Variants in ARHGAP17 observed in about 807,000 individuals in gnomAD.
ARHGAP17 encodes rho GTPase-activating protein 17.
Under a neutral mutation model 99.5 loss-of-function variants are expected in ARHGAP17, and 57 were observed. That is an observed-to-expected ratio of 0.57 (90% CI 0.46 to 0.71). ARHGAP17 has a LOEUF of 0.71. Among genes scored for constraint, ARHGAP17 ranks in the 30% least tolerant of loss-of-function variants. The pLI, the probability that ARHGAP17 is intolerant of heterozygous loss-of-function variation, is 0.00. For missense variants in ARHGAP17, 1,000 were observed against 1,122.4 expected (o/e 0.89, Z 1.56); for synonymous variants, 417 against 429.6 (o/e 0.97, Z 0.36).
At chr16:24,940,581 G>A (rs1046193313) in intron 16 of ARHGAP17, among the ~76,000 whole-genome samples, 1 of 152,108 alleles carries the variant, frequency 6.6e-6, no homozygotes. Context: ...CGTGCCTATA[G>A]TCCCAGCTAG....
intron 8 of ARHGAP17, 68 bp downstream of exon 8, chr16:24,959,841 CTT>C: frequency 6.2e-7 from 1 of 1,603,388 alleles, no homozygotes; most frequent in South Asian, 1.1e-5. Context: ...AAAATGAAAT[CTT>C]TTGCAAAAAA....
At chr16:24,977,908 C>G (rs2052566371) in intron 2 of ARHGAP17, among the ~76,000 whole-genome samples, 1 of 152,170 alleles carries the variant, frequency 6.6e-6, no homozygotes, top group Admixed American at 6.5e-5. Context: ...AGAATGAGAG[C>G]AGGCCCTTTG....
intron 8 of ARHGAP17, 23 bp from the exon 9 acceptor site, chr16:24,959,775 A>G (rs2051927301): frequency 1.9e-6 from 3 of 1,612,534 alleles, no homozygotes; most frequent in Non-Finnish European, 2.5e-6. Context: ...CCACATTCAA[A>G]AACAAAAGTA....
intron 17 of ARHGAP17, among the ~76,000 whole-genome samples, chr16:24,937,527 A>G (rs2051175152): frequency 6.6e-6 from 1 of 152,266 alleles, no homozygotes; most frequent in Admixed American, 6.5e-5. Context: ...AAAAAAATTT[A>G]AACCAAAACA....
At chr16:24,982,998 T>TATATATA (rs59011851) in intron 1 of ARHGAP17, among the ~76,000 whole-genome samples, 8 of 27,542 alleles carry the variant, frequency 2.9e-4, no homozygotes, top group Admixed American at 6.0e-4. Flanking sequence ...ATATATATAT[T>TATATATA]TTTTTTTTTT....
At chr16:24,934,778 G>A (rs957354106) in intron 18 of ARHGAP17, among the ~76,000 whole-genome samples, 1 of 152,150 alleles carries the variant, frequency 6.6e-6, no homozygotes, top group Non-Finnish European at 1.5e-5. Context: ...TTTTTGAGGT[G>A]AGACCTGAAT....
rs113864980 is a variant in ARHGAP17, at chr16:24,929,153, C to T, written c.2515+1631G>A. The stretch of plus-strand genomic sequence containing the variant: ...GCTCACCAAAAAGATAGAAGATATT[C>T]CTTTTTTTTTTTTTTTTTAAAAAGA... On this transcript the variant is annotated intron_variant, in intron 19 of 19. Transcript: ENST00000289968. Among the ~76,000 whole-genome samples, 1,121 of 149,536 alleles carry T rather than the reference C, an allele frequency of 7.5e-3. 8 individuals are homozygous for T. Among genetic ancestry groups the T allele is most frequent in the Non-Finnish European group, 0.012 (798 of 67,782 alleles).
At chr16:24,998,174 T>C (rs994337213) in intron 1 of ARHGAP17, among the ~76,000 whole-genome samples, 5 of 151,766 alleles carry the variant, frequency 3.3e-5, no homozygotes, top group African/African-American at 1.2e-4. Flanking sequence ...CACAGGGACG[T>C]CAGGGACAGG....
intron 15 of ARHGAP17, 112 bp downstream of exon 15, chr16:24,943,657 AGT>A: frequency 3.4e-6 from 3 of 893,810 alleles, no homozygotes; most frequent in Non-Finnish European, 5.3e-6. Context: ...AACATGAAAA[AGT>A]GAAACCAATT....
At chr16:24,993,564 G>C (rs1240751994) in intron 1 of ARHGAP17, among the ~76,000 whole-genome samples, 1 of 150,604 alleles carries the variant, frequency 6.6e-6, no homozygotes, top group East Asian at 2.0e-4. Context: ...ACTCCAGCAT[G>C]GGCAATAGAG....
intron 1 of ARHGAP17, among the ~76,000 whole-genome samples, chr16:25,014,287 G>A (rs971758502): frequency 1.3e-5 from 2 of 152,064 alleles, no homozygotes; most frequent in Admixed American, 6.6e-5. Context: ...ACACTAAATC[G>A]GTACAGTACA....
chr16:24,943,701 T>G (rs555213178), intron 15 of ARHGAP17, 70 bp downstream of exon 15: 1 of 1,350,218 alleles, frequency 7.4e-7, no homozygotes, highest in South Asian at 1.2e-5. Flanking sequence ...ACAGATGTAT[T>G]CTCTTAAGAA....
intron 2 of ARHGAP17, among the ~76,000 whole-genome samples, chr16:24,977,940 TA>T (rs2141355254): frequency 6.6e-6 from 1 of 152,250 alleles, no homozygotes; most frequent in African/African-American, 2.4e-5. Context: ...ATTTTAAAGA[TA>T]AATCAACAAA....
At position 24,930,780 on chromosome 16, in the gene ARHGAP17, T is replaced by C; in HGVS notation, c.2515+4A>G. Reference sequence around the variant, plus strand: ...GGAAATACGGGCATTGATGTCCTACTTACCTGTTACTATCTTGGAAGCTGT... The same window carrying C: ...GGAAATACGGGCATTGATGTCCTACCTACCTGTTACTATCTTGGAAGCTGT... On this transcript the variant is annotated splice_donor_region_variant and intron_variant, in intron 19 of 19. Transcript: ENST00000289968. 6.2e-7 allele frequency: 1 copy of C among 1,614,224 alleles called. No individual in the cohort carries two copies. Among genetic ancestry groups the C allele is most frequent in the Non-Finnish European group, 8.5e-7 (1 of 1,180,044 alleles).
intron 7 of ARHGAP17, among the ~76,000 whole-genome samples, chr16:24,962,129 T>A (rs1178255258): frequency 2.0e-5 from 3 of 151,332 alleles, no homozygotes; most frequent in African/African-American, 7.3e-5. Context: ...ATTCCTTGAT[T>A]CCCCTCAACC....
At chr16:24,941,177 C>A (rs1397110512) in intron 16 of ARHGAP17, among the ~76,000 whole-genome samples, 1 of 152,156 alleles carries the variant, frequency 6.6e-6, no homozygotes, top group Non-Finnish European at 1.5e-5. Flanking sequence ...AACAGCACAC[C>A]TCACTATAAG....
At chr16:24,945,322 C>CA (rs199754502) in intron 14 of ARHGAP17, among the ~76,000 whole-genome samples, 227 of 122,942 alleles carry the variant, frequency 1.8e-3, no homozygotes, top group Middle Eastern at 0.012. Context: ...GAACTTGTCT[C>CA]AAAAAAAAAA....
chr16:24,930,795 T>C lies in ARHGAP17; in HGVS notation c.2504A>G (p.Lys835Arg). 6.2e-7 allele frequency: 1 copy of C among 1,614,172 alleles called. No individual in the cohort carries two copies. ...SLTNTAPTAS[K>R]IVTDSNSRVS... is the part of the protein sequence containing the mutation. Reference sequence around the variant, plus strand: ...GATGTCCTACTTACCTGTTACTATCTTGGAAGCTGTTGGTGCTGTGTTGGT... The same window carrying C: ...GATGTCCTACTTACCTGTTACTATCCTGGAAGCTGTTGGTGCTGTGTTGGT... The change falls in exon 19 of 20, where the codon AAG becomes AGG. Residue 835 changes from lysine to arginine, a missense_variant. Transcript: ENST00000289968.
At chr16:24,980,360 GC>G (rs1488295895) in intron 1 of ARHGAP17, among the ~76,000 whole-genome samples, 1 of 152,196 alleles carries the variant, frequency 6.6e-6, no homozygotes, top group East Asian at 1.9e-4. Context: ...ACCTGGAGAT[GC>G]CTACAGGGTG....
Sources: gnomAD v4.1 joint callset for allele counts (sites outside exome capture counted in the v4.1 genomes callset) on GRCh38, gnomAD v4.1.1 for gene constraint, MANE v1.5 for transcripts, NCBI Gene and HGNC (gene_info 2026-07-23, HGNC 2026-07-21) for gene names.